ENDOD1: variants seen among roughly 807,000 people sequenced by gnomAD.
ENDOD1 encodes the protein endonuclease domain containing 1.
ENDOD1 carries 9 observed loss-of-function variants against 6.5 expected under a neutral mutation model. The ratio of observed to expected loss-of-function variants is 1.39; its 90% confidence interval spans 0.84 to 2.43. The LOEUF (loss-of-function observed/expected upper bound fraction) is 2.43, where lower values mean the gene tolerates loss of function less well. ENDOD1 is among the 30% of genes most tolerant of loss of function. The pLI, the probability that ENDOD1 is intolerant of heterozygous loss-of-function variation, is 0.00. For missense variants in ENDOD1, 648 were observed against 635.5 expected, an observed-to-expected ratio of 1.02 and a Z score of -0.21; for synonymous variants, 255 against 255.2, an observed-to-expected ratio of 1.00 and a Z score of 0.01.
intron 1 of ENDOD1, among the ~76,000 whole-genome samples, chr11:95,091,868 C>T (rs1565442520): frequency 6.6e-6 from 1 of 152,094 alleles, no homozygotes; most frequent in Non-Finnish European, 1.5e-5. Context: ...AGTTGCTCCA[C>T]TGACTAGCTA....
intron 1 of ENDOD1, among the ~76,000 whole-genome samples, chr11:95,091,820 G>T (rs573545557): frequency 1.3e-5 from 2 of 152,326 alleles, no homozygotes; most frequent in South Asian, 2.1e-4. Context: ...AGGTGGTGTA[G>T]TATCTGATTA....
At chr11:95,108,539 A>C (rs1859116314) in intron 1 of ENDOD1, among the ~76,000 whole-genome samples, 1 of 152,106 alleles carries the variant, frequency 6.6e-6, no homozygotes, top group Non-Finnish European at 1.5e-5. Flanking sequence ...ACACCCAAAA[A>C]AAGAAAAAAG....
intron 1 of ENDOD1, among the ~76,000 whole-genome samples, chr11:95,104,757 C>T (rs1555111278): frequency 6.6e-6 from 1 of 152,192 alleles, no homozygotes; most frequent in Non-Finnish European, 1.5e-5. Flanking sequence ...TGGGAACCTT[C>T]TAGAAACCAA....
At chr11:95,123,153 C>T (rs910375339) in intron 1 of ENDOD1, among the ~76,000 whole-genome samples, 6 of 149,148 alleles carry the variant, frequency 4.0e-5, no homozygotes, top group Non-Finnish European at 8.9e-5. Flanking sequence ...CAGGCCACTG[C>T]ACTGCAGCCT....
At chr11:95,112,529 C>G (rs1174839499) in intron 1 of ENDOD1, among the ~76,000 whole-genome samples, 6 of 152,200 alleles carry the variant, frequency 3.9e-5, no homozygotes, top group African/African-American at 1.4e-4. Flanking sequence ...TCGTCTGATC[C>G]CCTGCTGCCC....
At chr11:95,115,859 A>T (rs782336248) in intron 1 of ENDOD1, among the ~76,000 whole-genome samples, 6 of 152,144 alleles carry the variant, frequency 3.9e-5, no homozygotes, top group Non-Finnish European at 8.8e-5. Context: ...ATGATGAATG[A>T]TCTTTTTAAT....
chr11:95,128,861 C>G lies in ENDOD1; in HGVS notation c.785C>G (p.Pro262Arg). The change falls in exon 2 of 2, where the codon CCT (proline) becomes CGT (arginine). Residue 262 changes from proline (P) to arginine (R), a missense_variant. By Grantham distance (103) the Pro-to-Arg change is moderately radical (BLOSUM62 -2). Coordinates refer to ENST00000278505, the MANE Select transcript of ENDOD1 (RefSeq NM_015036.3). Reference protein sequence around the residue: ...KDLQKLLPFNPQLFQNNCGET... With the variant: ...KDLQKLLPFNRQLFQNNCGET... ...CTTCAGAAACTGCTTCCATTTAACC[C>G]TCAGCTGTTTCAGAACAACTGTGGT... is the stretch of plus-strand genomic sequence containing the variant. 1 of 1,614,122 alleles carries G rather than the reference C, an allele frequency of 6.2e-7. No homozygotes were observed. Among genetic ancestry groups the G allele is most frequent in the Non-Finnish European group, 8.5e-7 (1 of 1,180,018 alleles).
intron 1 of ENDOD1, among the ~76,000 whole-genome samples, 155 bp downstream of exon 1, chr11:95,090,382 T>C (rs921311317): frequency 1.1e-4 from 16 of 139,182 alleles, no homozygotes; most frequent in African/African-American, 4.4e-4. Context: ...AGGTCCACCC[T>C]GTTGCGTCCC....
At chr11:95,121,365 T>C (rs1303102879) in intron 1 of ENDOD1, among the ~76,000 whole-genome samples, 1 of 152,204 alleles carries the variant, frequency 6.6e-6, no homozygotes, top group African/African-American at 2.4e-5. Flanking sequence ...AATGAGAGTA[T>C]AGTTAGCTCA....
intron 1 of ENDOD1, among the ~76,000 whole-genome samples, chr11:95,114,297 C>T (rs781923850): frequency 5.4e-5 from 8 of 147,554 alleles, no homozygotes; most frequent in African/African-American, 1.3e-4. Flanking sequence ...TTTGTAGAGA[C>T]GGGGTTTCAC....
Position 95,128,396 on chromosome 11 carries a change from A to G in ENDOD1, c.320A>G (p.Asn107Ser), listed in dbSNP as rs747329560. The G allele has an allele frequency of 1.2e-6, 2 of 1,613,680 alleles. No individual in the cohort carries two copies. The highest frequency in any genetic ancestry group is 1.7e-6 in the Non-Finnish European group (2 of 1,179,762). ...TTGCAGATCGATGACCCCAACAGCA[A>G]CCTTGAGGAGGCGATTAATGAGGCA... ...VEPQIDDPNSNLEEAINEAEA... is the reference protein window; with the variant it reads ...VEPQIDDPNSSLEEAINEAEA... Residue 107 changes from asparagine (N) to serine (S), a missense_variant, in exon 2 of 2, where the codon AAC becomes AGC. By Grantham distance (46) the Asn-to-Ser change is conservative (BLOSUM62 1). Transcript: ENST00000278505.
chr11:95,119,437 T>C (rs543525382), intron 1 of ENDOD1, among the ~76,000 whole-genome samples: 1 of 152,262 alleles, frequency 6.6e-6, no homozygotes, highest in Non-Finnish European at 1.5e-5. Flanking sequence ...TTTGATAGTC[T>C]TGGGATGAGA....
chr11:95,116,642 A>C (rs1304688629), intron 1 of ENDOD1, among the ~76,000 whole-genome samples: 1 of 152,142 alleles, frequency 6.6e-6, no homozygotes, highest in Non-Finnish European at 1.5e-5. Flanking sequence ...CTTCCCTCTT[A>C]GTATTGCTTT....
chr11:95,106,465 A>T (rs1434524530), intron 1 of ENDOD1, among the ~76,000 whole-genome samples: 3 of 152,174 alleles, frequency 2.0e-5, no homozygotes, highest in Non-Finnish European at 2.9e-5. Flanking sequence ...TTTGGCGGGG[A>T]GGCCTATGAA....
intron 1 of ENDOD1, among the ~76,000 whole-genome samples, chr11:95,116,964 A>G (rs1859215317): frequency 6.6e-6 from 1 of 152,228 alleles, no homozygotes; most frequent in Admixed American, 6.5e-5. Flanking sequence ...TTAAATATCT[A>G]TTAGATCCAT....
At chr11:95,108,335 A>G (rs1308524519) in intron 1 of ENDOD1, among the ~76,000 whole-genome samples, 1 of 152,054 alleles carries the variant, frequency 6.6e-6, no homozygotes, top group Non-Finnish European at 1.5e-5. Flanking sequence ...CACAGGCCAG[A>G]GCTGGAAATG....
chr11:95,100,737 T>G lies in ENDOD1; in HGVS notation c.300+10510T>G, dbSNP rs77667714. 1.9e-3 allele frequency among the ~76,000 whole-genome samples: 296 copies of G among 151,836 alleles called. 5 individuals carry two copies. In the East Asian group the frequency reaches 0.034, roughly 17 times the overall value. ...GTCTCAAATTTCTGAGTTCAAGTGA[T>G]CCTCCTGTATCGGCCTTCCAAAGTG... On this transcript the variant is annotated intron_variant, in intron 1 of 1. Transcript: ENST00000278505.
intron 1 of ENDOD1, among the ~76,000 whole-genome samples, chr11:95,090,817 C>T (rs1565442262): frequency 6.6e-6 from 1 of 152,188 alleles, no homozygotes; most frequent in Non-Finnish European, 1.5e-5. Context: ...CAGAGCTCAT[C>T]CTAGCCTGAA....
At chr11:95,126,701 A>T (rs1408974383) in intron 1 of ENDOD1, among the ~76,000 whole-genome samples, 1 of 152,066 alleles carries the variant, frequency 6.6e-6, no homozygotes, top group African/African-American at 2.4e-5. Context: ...TGTTTTTGAG[A>T]TGGGGGTGTC....
Sources: gnomAD v4.1 joint callset for allele counts (sites outside exome capture counted in the v4.1 genomes callset) on GRCh38, gnomAD v4.1.1 for gene constraint, MANE v1.5 for transcripts, NCBI Gene and HGNC (gene_info 2026-07-23, HGNC 2026-07-21) for gene names.